The following INSL6 variants were observed in gnomAD, a reference collection of about 807,000 sequenced individuals.
INSL6 encodes the protein insulin like 6, also known as insulin-like peptide INSL6.
A neutral mutation model predicts 9.4 loss-of-function variants in INSL6; 16 were observed. The observed-to-expected ratio is 1.70, with a 90% CI of 1.15 to 2.59. INSL6 has a LOEUF of 2.59. INSL6 is among the 30% of genes most tolerant of loss of function. The pLI is 0.00. For missense variants in INSL6, 391 were observed against 257.3 expected (o/e 1.52, Z -3.56); for synonymous variants, 154 against 96.9 (o/e 1.59, Z -3.46).
chr9:5,167,730 C>T (rs1028332080), intron 1 of INSL6, among the ~76,000 whole-genome samples: 16 of 152,224 alleles, frequency 1.1e-4, no homozygotes, highest in African/African-American at 3.9e-4. Context: ...AACACACCTG[C>T]TCTACCAAGG....
downstream of INSL6, among the ~76,000 whole-genome samples, chr9:5,162,098 T>A (rs1018980235): frequency 6.6e-6 from 1 of 152,082 alleles, no homozygotes; most frequent in African/African-American, 2.4e-5. Flanking sequence ...TAATTTCTAC[T>A]TAAGATTTTA....
chr9:5,120,933 A>C (rs1031447768), downstream of INSL6, among the ~76,000 whole-genome samples: 3 of 152,204 alleles, frequency 2.0e-5, no homozygotes, highest in Non-Finnish European at 4.4e-5. Context: ...TAGATCTTTA[A>C]TGTGGAAATG....
At chr9:5,152,682 A>G (rs1357805612) in intron 2 of INSL6, among the ~76,000 whole-genome samples, 1 of 152,224 alleles carries the variant, frequency 6.6e-6, no homozygotes, top group South Asian at 2.1e-4. Context: ...GCATAAAACA[A>G]CAAACGAGAA....
At chr9:5,111,574 C>A in the INSL6 span, 1 of 367,360 alleles carries the variant, frequency 2.7e-6, no homozygotes, top group Non-Finnish European at 5.3e-6. Flanking sequence ...GCAGCCTGCA[C>A]CCCTAAGCCG....
intron 1 of INSL6, among the ~76,000 whole-genome samples, chr9:5,168,959 CTT>C (rs1177787018): frequency 1.3e-5 from 2 of 149,924 alleles, no homozygotes; most frequent in Non-Finnish European, 3.0e-5. Flanking sequence ...GAGTTTCACT[CTT>C]GTCACCCAGG....
At chr9:5,124,850 G>A (rs1823872074) in intron 3 of INSL6, among the ~76,000 whole-genome samples, 1 of 151,388 alleles carries the variant, frequency 6.6e-6, no homozygotes, top group Non-Finnish European at 1.5e-5. Context: ...AGAATAGTAA[G>A]CCTAGGACTC....
the INSL6 span, among the ~76,000 whole-genome samples, chr9:4,997,152 G>T: frequency 6.6e-6 from 1 of 151,752 alleles, no homozygotes; most frequent in Non-Finnish European, 1.5e-5. Context: ...GTCTGGTCTT[G>T]AACTCCTGGG....
At chr9:5,131,586 C>A (rs369850917) in intron 3 of INSL6, among the ~76,000 whole-genome samples, 1 of 151,594 alleles carries the variant, frequency 6.6e-6, no homozygotes, top group Non-Finnish European at 1.5e-5. Flanking sequence ...TACAGGTGCC[C>A]GCCACCACGC....
At chr9:5,160,605 C>A (rs1291112386), downstream of INSL6, among the ~76,000 whole-genome samples, 1 of 152,048 alleles carries the variant, frequency 6.6e-6, no homozygotes, top group East Asian at 1.9e-4. Context: ...AACATCATAG[C>A]ATAAATAAAT....
chr9:5,136,967 T>C (rs895210387), intron 2 of INSL6, among the ~76,000 whole-genome samples: 2 of 152,196 alleles, frequency 1.3e-5, no homozygotes, highest in South Asian at 2.1e-4. Flanking sequence ...AGCATTCTTA[T>C]ACACCAATAA....
downstream of INSL6, among the ~76,000 whole-genome samples, chr9:5,160,270 A>G (rs920233897): frequency 1.3e-5 from 2 of 152,094 alleles, no homozygotes; most frequent in African/African-American, 4.8e-5. Context: ...TGACCACAAT[A>G]AAACTAGAAA....
the INSL6 span, among the ~76,000 whole-genome samples, chr9:5,084,182 G>C: frequency 6.6e-6 from 1 of 152,098 alleles, no homozygotes; most frequent in Non-Finnish European, 1.5e-5. Context: ...ATATTTCTTA[G>C]TAATTTAGTT....
At chr9:5,121,363 T>C (rs1214611847), downstream of INSL6, among the ~76,000 whole-genome samples, 1 of 152,228 alleles carries the variant, frequency 6.6e-6, no homozygotes, top group African/African-American at 2.4e-5. Context: ...GTAAGAAGAC[T>C]TGACAGCACT....
the INSL6 span, among the ~76,000 whole-genome samples, chr9:5,026,927 C>G: frequency 6.6e-6 from 1 of 152,000 alleles, no homozygotes. Context: ...TAAAATAGCC[C>G]AAAGGACATA....
chr9:5,006,119 C>T, the INSL6 span, among the ~76,000 whole-genome samples: 1 of 152,140 alleles, frequency 6.6e-6, no homozygotes, highest in East Asian at 1.9e-4. Context: ...ATTCTTCCTA[C>T]CCATGAGCAT....
chr9:5,128,078 TTTTG>T (rs1349280171), intron 3 of INSL6: 2 of 172,086 alleles, frequency 1.2e-5, no homozygotes, highest in East Asian at 7.0e-5. Flanking sequence ...ATATGGTGGG[TTTTG>T]TGTGTGTGTG....
chr9:5,155,322 T>C (rs1245371007), intron 2 of INSL6, among the ~76,000 whole-genome samples: 1 of 117,850 alleles, frequency 8.5e-6, no homozygotes, highest in Non-Finnish European at 1.7e-5. Context: ...CTGGGGCCTG[T>C]TGCAGGGTTG....
At chr9:5,071,359 A>T in the INSL6 span, among the ~76,000 whole-genome samples, 2 of 152,196 alleles carry the variant, frequency 1.3e-5, no homozygotes, top group African/African-American at 4.8e-5. Flanking sequence ...GAACTCCAGG[A>T]ACTTCCTATC....
At chr9:5,021,945 T>C in the INSL6 span, 1 of 1,470,876 alleles carries the variant, frequency 6.8e-7, no homozygotes, top group Non-Finnish European at 9.5e-7. Flanking sequence ...TTTGTAACTT[T>C]ATTGTTTTCT....
Sources: gnomAD v4.1 joint callset for allele counts (sites outside exome capture counted in the v4.1 genomes callset) on GRCh38, gnomAD v4.1.1 for gene constraint, MANE v1.5 for transcripts, NCBI Gene and HGNC (gene_info 2026-07-23, HGNC 2026-07-21) for gene names.